C11orf54: variants seen among roughly 807,000 people sequenced by gnomAD.
C11orf54 encodes beta-keto-L-gulonate decarboxylase.
Under a neutral mutation model 35.5 loss-of-function variants are expected in C11orf54, and 29 were observed. The observed-to-expected ratio is 0.82, with a 90% CI of 0.61 to 1.11. The LOEUF is 1.11. C11orf54 is among the 50% of genes most tolerant of loss of function. C11orf54 has a pLI of 0.00. For synonymous variants in C11orf54, 108 were observed against 121.1 expected, an observed-to-expected ratio of 0.89 and a Z score of 0.71; for missense variants, 373 against 369.2, an observed-to-expected ratio of 1.01 and a Z score of -0.08.
intron 4 of C11orf54, 68 bp from the exon 5 acceptor site, chr11:93,753,868 G>A (rs1942979104): frequency 1.3e-6 from 2 of 1,540,572 alleles, no homozygotes; most frequent in African/African-American, 1.4e-5. Context: ...TAATGGATCA[G>A]TAATAAAAGG....
intron 3 of C11orf54, among the ~76,000 whole-genome samples, chr11:93,752,684 T>C (rs927436853): frequency 1.2e-4 from 18 of 152,042 alleles, no homozygotes; most frequent in Non-Finnish European, 1.3e-4. Context: ...TCCACTCTTA[T>C]GGTTTTAATT....
intron 5 of C11orf54, 91 bp downstream of exon 5, chr11:93,754,128 TG>T (rs1402665281): frequency 9.3e-7 from 1 of 1,075,846 alleles, no homozygotes; most frequent in African/African-American, 1.6e-5. Flanking sequence ...ACTTTCTGAG[TG>T]AATTGTAAAT....
chr11:93,752,233 A>G (rs1942873829), intron 3 of C11orf54, among the ~76,000 whole-genome samples: 1 of 152,154 alleles, frequency 6.6e-6, no homozygotes, highest in South Asian at 2.1e-4. Flanking sequence ...TTAAATTGCA[A>G]TACTAGAAGC....
rs1354516040 is a variant in C11orf54, at chr11:93,750,348, A to T, written c.58A>T (p.Met20Leu). The T allele has an allele frequency of 1.9e-6, 3 of 1,612,526 alleles. No homozygotes were observed. The highest frequency in any genetic ancestry group is 2.5e-6 in the Non-Finnish European group (3 of 1,178,912). The change falls in exon 3 of 9, where the codon ATG (methionine) becomes TTG (leucine). Residue 20 changes from methionine to leucine, a missense_variant and splice_region_variant. Physicochemically the swap from Met to Leu is conservative, Grantham distance 15 (BLOSUM62 2). Coordinates refer to ENST00000354421, the MANE Select transcript of C11orf54 (RefSeq NM_001286069.2). The stretch of plus-strand genomic sequence containing the variant: ...ATCTTATTCCTTGTCTTTATTAGTT[A>T]TGCAGAAGGGGTTAAAAGATAACTT... ...VPSLEELAGV[M>L]QKGLKDNFAD...
At chr11:93,760,530 A>C (rs1943402768) in intron 8 of C11orf54, among the ~76,000 whole-genome samples, 1 of 151,912 alleles carries the variant, frequency 6.6e-6, no homozygotes, top group South Asian at 2.1e-4. Flanking sequence ...AACAATTAGT[A>C]GAGTCACAAC....
At chr11:93,751,596 G>A (rs1240836860) in intron 3 of C11orf54, among the ~76,000 whole-genome samples, 1 of 151,522 alleles carries the variant, frequency 6.6e-6, no homozygotes, top group African/African-American at 2.4e-5. Context: ...AGTAGAGACA[G>A]GGTTTCACCG....
intron 8 of C11orf54, among the ~76,000 whole-genome samples, 168 bp downstream of exon 8, chr11:93,760,026 A>T (rs1943374672): frequency 6.6e-6 from 1 of 152,166 alleles, no homozygotes; most frequent in Non-Finnish European, 1.5e-5. Flanking sequence ...AGCTTACTGC[A>T]ACCTCCGCCT....
intron 1 of C11orf54, chr11:93,745,889 G>C (rs930257089): frequency 9.8e-5 from 15 of 152,370 alleles, no homozygotes; most frequent in African/African-American, 3.6e-4. Flanking sequence ...GGATGAGACA[G>C]GAGAATTTCT....
intron 2 of C11orf54, among the ~76,000 whole-genome samples, chr11:93,749,275 A>C (rs1353212728): frequency 4.6e-5 from 7 of 152,122 alleles, no homozygotes; most frequent in African/African-American, 1.7e-4. Flanking sequence ...TAAGCCCAGG[A>C]GTTTGAGAGC....
At position 93,759,954 on chromosome 11, in the gene C11orf54, TTGTTG is replaced by T. The variant is rs1943370294; in HGVS notation, c.774+98_774+102del. 5.2e-6 allele frequency: 4 copies of T among 767,320 alleles called. No homozygotes were observed. The South Asian group carries it at 9.8e-5, about 19-fold the overall frequency. 47.5% of individuals were successfully genotyped at this position (767,320 alleles called of 1,614,324 possible). ...CTAGGCACTTTTGTGTTTGTTGTTG[TTGTTG>T]TTTTGAGACAGAGTTTCACTCTTGT... On this transcript the variant is annotated intron_variant, in intron 8 of 8. Coordinates refer to ENST00000354421, the MANE Select transcript of C11orf54 (RefSeq NM_001286069.2).
At chr11:93,752,968 G>A (rs142158645) in intron 3 of C11orf54, among the ~76,000 whole-genome samples, 2 of 151,902 alleles carry the variant, frequency 1.3e-5, no homozygotes, top group South Asian at 2.1e-4. Context: ...GGATGGTCGC[G>A]ATCTCCTGAC....
At chr11:93,757,124 A>ATGTG (rs3217337) in intron 6 of C11orf54, among the ~76,000 whole-genome samples, 192 bp from the exon 7 acceptor site, 2 of 151,764 alleles carry the variant, frequency 1.3e-5, no homozygotes, top group Non-Finnish European at 2.9e-5. Context: ...ACTGATAAGT[A>ATGTG]TGTGTGTGTG....
intron 5 of C11orf54, among the ~76,000 whole-genome samples, chr11:93,754,357 C>T (rs1374121947): frequency 6.6e-6 from 1 of 152,096 alleles, no homozygotes; most frequent in East Asian, 1.9e-4. Flanking sequence ...TAAATCTTTG[C>T]TTTGGGTATG....
chr11:93,749,992 G>A (rs1172289149), intron 2 of C11orf54, among the ~76,000 whole-genome samples: 1 of 152,184 alleles, frequency 6.6e-6, no homozygotes, highest in African/African-American at 2.4e-5. Context: ...TACCTTCACT[G>A]AAGTTGTTAC....
chr11:93,750,670 G>A (rs1160116353), intron 3 of C11orf54, among the ~76,000 whole-genome samples: 2 of 152,190 alleles, frequency 1.3e-5, no homozygotes, highest in Non-Finnish European at 2.9e-5. Flanking sequence ...AACCTTCACA[G>A]ATTGTAGAAT....
At chr11:93,742,694 T>A (rs1211436597) in intron 1 of C11orf54, 1 of 152,234 alleles carries the variant, frequency 6.6e-6, no homozygotes, top group Non-Finnish European at 1.5e-5. Flanking sequence ...AGTAATCTGG[T>A]CTCTTTACCT....
intron 7 of C11orf54, among the ~76,000 whole-genome samples, chr11:93,757,772 A>G (rs1242868918): frequency 1.3e-5 from 2 of 152,128 alleles, no homozygotes; most frequent in Non-Finnish European, 2.9e-5. Context: ...CAGCTGATCC[A>G]CCTGTCTCGG....
intron 3 of C11orf54, among the ~76,000 whole-genome samples, chr11:93,753,257 G>A (rs767792867): frequency 5.3e-5 from 8 of 152,176 alleles, no homozygotes; most frequent in Admixed American, 1.3e-4. Flanking sequence ...GATTGCAGGC[G>A]TGAGCCACCA....
chr11:93,752,997 T>C (rs1176358713), intron 3 of C11orf54, among the ~76,000 whole-genome samples: 1 of 152,108 alleles, frequency 6.6e-6, no homozygotes, highest in African/African-American at 2.4e-5. Flanking sequence ...GTTTTGTTTT[T>C]TGAGACAGAG....
Sources: allele counts gnomAD v4.1 joint callset (sites outside exome capture counted in the v4.1 genomes callset), GRCh38; gene constraint gnomAD v4.1.1; transcripts MANE v1.5; gene names NCBI Gene and HGNC (gene_info 2026-07-23, HGNC 2026-07-21).